The following SPINK8 variants were observed in gnomAD, a reference collection of about 807,000 sequenced individuals.
SPINK8 encodes serine protease inhibitor Kazal-type 8.
A neutral mutation model predicts 14.4 loss-of-function variants in SPINK8; 12 were observed. The observed-to-expected ratio is 0.83, with a 90% CI of 0.53 to 1.35. SPINK8 has a LOEUF of 1.35. Ranked by LOEUF, SPINK8 falls within the 40% of genes most tolerant of loss-of-function variation. SPINK8 has a pLI of 0.00. For synonymous variants in SPINK8, 32 were observed against 37.6 expected (o/e 0.85, Z 0.55); for missense variants, 103 against 117.0 (o/e 0.88, Z 0.55).
At chr3:48,331,250 G>T (rs924285090) in intron 2 of SPINK8, among the ~76,000 whole-genome samples, 2 of 152,170 alleles carry the variant, frequency 1.3e-5, no homozygotes, top group Non-Finnish European at 2.9e-5. Context: ...CCGGGAAGCC[G>T]CATTCTCCAT....
At chr3:48,316,657 T>C (rs889810585) in intron 6 of SPINK8, among the ~76,000 whole-genome samples, 4 of 152,012 alleles carry the variant, frequency 2.6e-5, no homozygotes, top group South Asian at 2.1e-4. Context: ...CCTGTAGTCC[T>C]AGCTACTCAG....
At chr3:48,313,830 T>C (rs534739616) in intron 6 of SPINK8, among the ~76,000 whole-genome samples, 20 of 152,184 alleles carry the variant, frequency 1.3e-4, no homozygotes, top group African/African-American at 3.9e-4. Flanking sequence ...CTCAAAATGA[T>C]TATGTAAGTG....
chr3:48,331,731 G>T (rs760726058), intron 2 of SPINK8, among the ~76,000 whole-genome samples: 7 of 152,240 alleles, frequency 4.6e-5, no homozygotes, highest in Non-Finnish European at 8.8e-5. Context: ...AAATGGTAAA[G>T]TTCCCTAGTC....
At chr3:48,318,966 T>C (rs1053027720) in intron 6 of SPINK8, among the ~76,000 whole-genome samples, 9 of 152,326 alleles carry the variant, frequency 5.9e-5, no homozygotes, top group Non-Finnish European at 1.0e-4. Context: ...GGCTAAACAA[T>C]TGGGCGTTTC....
At chr3:48,329,473 T>C (rs1274680416) in intron 2 of SPINK8, among the ~76,000 whole-genome samples, 199 bp from the exon 3 acceptor site, 1 of 152,232 alleles carries the variant, frequency 6.6e-6, no homozygotes, top group Non-Finnish European at 1.5e-5. Context: ...TAGACATATG[T>C]CATAGACAAT....
At chr3:48,321,640 C>T (rs536699218) in intron 4 of SPINK8, among the ~76,000 whole-genome samples, 1 of 151,636 alleles carries the variant, frequency 6.6e-6, no homozygotes, top group South Asian at 2.1e-4. Flanking sequence ...ATGGTGAAAC[C>T]CTGTCTCTAC....
intron 6 of SPINK8, among the ~76,000 whole-genome samples, chr3:48,311,456 T>C (rs946725289): frequency 2.0e-5 from 3 of 152,230 alleles, no homozygotes; most frequent in African/African-American, 7.2e-5. Flanking sequence ...AAATGATCTC[T>C]ATTCAAAGAT....
intron 7 of SPINK8, among the ~76,000 whole-genome samples, chr3:48,309,690 A>G (rs1397762047): frequency 2.0e-5 from 3 of 152,234 alleles, no homozygotes; most frequent in Non-Finnish European, 4.4e-5. Context: ...TTCATCAAAG[A>G]AAACAGAGAA....
At chr3:48,316,702 G>T (rs560319964) in intron 6 of SPINK8, among the ~76,000 whole-genome samples, 2 of 152,264 alleles carry the variant, frequency 1.3e-5, no homozygotes, top group South Asian at 2.1e-4. Flanking sequence ...GAGCCCAGGA[G>T]GTCGAGGCTG....
At chr3:48,312,996 C>CAAAAAAAAAAAAAA (rs57016387) in intron 6 of SPINK8, among the ~76,000 whole-genome samples, 4 of 122,012 alleles carry the variant, frequency 3.3e-5, no homozygotes, top group Admixed American at 1.7e-4. Flanking sequence ...GACTCTGTCT[C>CAAAAAAAAAAAAAA]AAAAAAAAAA....
intron 4 of SPINK8, among the ~76,000 whole-genome samples, chr3:48,323,273 T>C (rs559473925): frequency 1.7e-3 from 258 of 152,130 alleles, no homozygotes; most frequent in Non-Finnish European, 2.8e-3. Flanking sequence ...GCCACCCGAG[T>C]AGCTGGGATT....
At chr3:48,326,954 C>G (rs2036154869) in intron 4 of SPINK8, among the ~76,000 whole-genome samples, 1 of 151,906 alleles carries the variant, frequency 6.6e-6, no homozygotes, top group Non-Finnish European at 1.5e-5. Flanking sequence ...ACTATGATAT[C>G]TATATATCTT....
At chr3:48,316,389 C>T (rs2035993260) in intron 6 of SPINK8, 1 of 155,888 alleles carries the variant, frequency 6.4e-6, no homozygotes, top group Non-Finnish European at 1.5e-5. Context: ...TTCTAGCCTC[C>T]ATGAATTCTG....
chr3:48,333,383 GA>G (rs1446577644), intron 1 of SPINK8, among the ~76,000 whole-genome samples, 151 bp downstream of exon 1: 3 of 152,016 alleles, frequency 2.0e-5, no homozygotes, highest in Non-Finnish European at 2.9e-5. Context: ...TGGGAGGGGG[GA>G]ACGTTTAAAA....
intron 4 of SPINK8, among the ~76,000 whole-genome samples, chr3:48,326,527 A>T (rs1221497293): frequency 6.6e-6 from 1 of 151,866 alleles, no homozygotes; most frequent in African/African-American, 2.4e-5. Context: ...GAATCGCTTG[A>T]ACTTGGGAGG....
chr3:48,307,961 CTTTTTTTTTTTTTTTTTT>C (rs869147798), intron 7 of SPINK8, among the ~76,000 whole-genome samples: 1 of 68,214 alleles, frequency 1.5e-5, no homozygotes, highest in Non-Finnish European at 2.6e-5. Context: ...AGTCTGCATT[CTTTTTTTTTTTTTTTTTT>C]TTTTTTTTTT....
intron 7 of SPINK8, among the ~76,000 whole-genome samples, chr3:48,308,828 G>C (rs1394052925): frequency 6.6e-6 from 1 of 152,106 alleles, no homozygotes; most frequent in African/African-American, 2.4e-5. Flanking sequence ...AGTTTAAAAT[G>C]GATATAAGAC....
chr3:48,310,823 G>A (rs4130522), intron 6 of SPINK8, among the ~76,000 whole-genome samples: 32,815 of 152,106 alleles, frequency 0.22, 4,365 homozygotes, highest in South Asian at 0.3. Context: ...AAAAGATTTA[G>A]TACCAATCTT....
chr3:48,321,259 C>T (rs1348081589), intron 4 of SPINK8, among the ~76,000 whole-genome samples, 185 bp from the exon 5 acceptor site: 1 of 152,146 alleles, frequency 6.6e-6, no homozygotes. Context: ...CGTGCCTTTA[C>T]CTTCTTGTAA....
Sources: allele counts gnomAD v4.1 joint callset (sites outside exome capture counted in the v4.1 genomes callset), GRCh38; gene constraint gnomAD v4.1.1; transcripts MANE v1.5; gene names NCBI Gene and HGNC (gene_info 2026-07-23, HGNC 2026-07-21).